EPC2: variants seen among roughly 807,000 people sequenced by gnomAD.
EPC2 encodes enhancer of polycomb 2, also known as enhancer of polycomb homolog 2.
In EPC2, 14 loss-of-function variants were observed where a neutral mutation model predicts 92.1. The observed-to-expected ratio is 0.15, with a 90% confidence interval of 0.10 to 0.24. The LOEUF is 0.24. Among genes scored for constraint, EPC2 ranks in the 10% least tolerant of loss-of-function variants. The pLI, the probability that EPC2 is intolerant of heterozygous loss-of-function variation, is 1.00. For missense variants in EPC2, 755 were observed against 971.5 expected, an observed-to-expected ratio of 0.78 and a Z score of 2.96; for synonymous variants, 340 against 334.7, an observed-to-expected ratio of 1.02 and a Z score of -0.17.
At chr2:148,756,511 G>A (rs1683193778) in intron 4 of EPC2, among the ~76,000 whole-genome samples, 1 of 152,152 alleles carries the variant, frequency 6.6e-6, no homozygotes, top group South Asian at 2.1e-4. Context: ...TGATGCAAAG[G>A]GTAAAAGGTC....
At chr2:148,757,959 C>T (rs1683223859) in intron 4 of EPC2, among the ~76,000 whole-genome samples, 2 of 151,938 alleles carry the variant, frequency 1.3e-5, no homozygotes, top group African/African-American at 4.8e-5. Context: ...GGCTGGAATA[C>T]AAAGATAAGC....
chr2:148,783,489 AT>A, intron 11 of EPC2, 107 bp from the exon 12 acceptor site: 1 of 1,025,472 alleles, frequency 9.8e-7, no homozygotes, highest in Non-Finnish European at 1.4e-6. Flanking sequence ...AACACTTGTA[AT>A]TGTTCAAGGT....
intron 1 of EPC2, among the ~76,000 whole-genome samples, chr2:148,679,702 G>A (rs145741279): frequency 3.1e-4 from 47 of 152,268 alleles, no homozygotes; most frequent in Admixed American, 2.2e-3. Flanking sequence ...CTGGAGTGCC[G>A]TGTTGCAGTC....
At chr2:148,679,959 A>G (rs1681361457) in intron 1 of EPC2, among the ~76,000 whole-genome samples, 1 of 152,178 alleles carries the variant, frequency 6.6e-6, no homozygotes, top group Non-Finnish European at 1.5e-5. Flanking sequence ...AGTTTTTACT[A>G]CTAATAGATT....
chr2:148,726,906 C>A (rs1682511196), intron 2 of EPC2, among the ~76,000 whole-genome samples: 1 of 151,386 alleles, frequency 6.6e-6, no homozygotes, highest in Non-Finnish European at 1.5e-5. Flanking sequence ...TGATTGTTTC[C>A]TTTGCCCTGA....
At chr2:148,756,244 C>CT (rs1385679578) in intron 4 of EPC2, among the ~76,000 whole-genome samples, 1 of 152,192 alleles carries the variant, frequency 6.6e-6, no homozygotes, top group Non-Finnish European at 1.5e-5. Context: ...AAGAGGTACA[C>CT]TTTCTTTTCT....
At chr2:148,744,988 TG>T (rs1682952714) in intron 3 of EPC2, among the ~76,000 whole-genome samples, 1 of 37,392 alleles carries the variant, frequency 2.7e-5, no homozygotes, top group African/African-American at 6.2e-5. Flanking sequence ...CCTATCAGTT[TG>T]CCCCCCCCCC....
chr2:148,784,588 C>CGTATTTAT, intron 12 of EPC2, 80 bp from the exon 13 acceptor site: 1 of 1,061,678 alleles, frequency 9.4e-7, no homozygotes, highest in Non-Finnish European at 1.4e-6. Flanking sequence ...TACAAATGTT[C>CGTATTTAT]GTATTTATTT....
chr2:148,743,830 C>T (rs1195934486), intron 3 of EPC2, 63 bp downstream of exon 3: 9 of 1,269,496 alleles, frequency 7.1e-6, no homozygotes, highest in Non-Finnish European at 1.1e-6. Flanking sequence ...CTTTATAAGA[C>T]CTGAGTGTGT....
chr2:148,766,924 C>T (rs1683421322), intron 7 of EPC2, among the ~76,000 whole-genome samples: 1 of 152,156 alleles, frequency 6.6e-6, no homozygotes, highest in Non-Finnish European at 1.5e-5. Flanking sequence ...TGGCTCATGC[C>T]TGTAATCCCA....
chr2:148,679,275 T>C (rs1681341444), intron 1 of EPC2, among the ~76,000 whole-genome samples: 1 of 152,198 alleles, frequency 6.6e-6, no homozygotes, highest in Non-Finnish European at 1.5e-5. Context: ...CTAGTAAGGA[T>C]GGAGTAAAGA....
intron 2 of EPC2, among the ~76,000 whole-genome samples, chr2:148,710,825 A>G (rs1339683772): frequency 1.3e-5 from 2 of 152,114 alleles, no homozygotes; most frequent in African/African-American, 2.4e-5. Flanking sequence ...GAAGGGGAAC[A>G]TCACACACCG....
intron 1 of EPC2, among the ~76,000 whole-genome samples, chr2:148,678,326 CA>C (rs1217313635): frequency 1.8e-4 from 27 of 152,248 alleles, no homozygotes; most frequent in African/African-American, 6.0e-4. Flanking sequence ...CTCAGGAGCC[CA>C]GCTGGCTTCA....
At chr2:148,780,411 A>G (rs564160447) in intron 10 of EPC2, among the ~76,000 whole-genome samples, 1 of 152,286 alleles carries the variant, frequency 6.6e-6, no homozygotes, top group South Asian at 2.1e-4. Context: ...TTACCATAAA[A>G]AAATTTTTTT....
intron 1 of EPC2, among the ~76,000 whole-genome samples, chr2:148,671,395 C>CT (rs1200103157): frequency 2.0e-5 from 3 of 150,664 alleles, no homozygotes; most frequent in Non-Finnish European, 2.9e-5. Flanking sequence ...AGGCGGATCA[C>CT]TTGAGATCAG....
At chr2:148,666,429 C>T (rs185628962) in intron 1 of EPC2, among the ~76,000 whole-genome samples, 2 of 152,270 alleles carry the variant, frequency 1.3e-5, no homozygotes, top group East Asian at 1.9e-4. Flanking sequence ...CGGGCATGGG[C>T]CACTGCACCA....
chr2:148,678,150 A>T (rs575629775), intron 1 of EPC2, among the ~76,000 whole-genome samples: 11 of 152,220 alleles, frequency 7.2e-5, no homozygotes, highest in Middle Eastern at 3.4e-3. Flanking sequence ...CACGGTCCCC[A>T]CCAGAGTAGC....
In EPC2 at chr2:148,743,656, T is replaced by C; in HGVS notation, c.348T>C (p.Asp116=). The C allele has an allele frequency of 6.3e-7, 1 of 1,596,222 alleles. No homozygotes were observed. Among genetic ancestry groups the C allele is most frequent in the Admixed American group, 1.8e-5 (1 of 55,944 alleles). The change falls in exon 3 of 14, where the codon GAT becomes GAC. Residue 116 remains aspartate, a synonymous_variant. Coordinates refer to ENST00000258484, the MANE Select transcript of EPC2 (RefSeq NM_015630.4). The part of the protein sequence containing the change: ...FNLDNEQPDY[D]MDSEDETLLN... ...TAGACAACGAGCAACCAGATTATGATATGGATTCAGAAGATGAGACTTTAT... is the reference window on the plus strand; with the variant it reads ...TAGACAACGAGCAACCAGATTATGACATGGATTCAGAAGATGAGACTTTAT...
intron 10 of EPC2, among the ~76,000 whole-genome samples, chr2:148,775,650 T>TAAATAAAATTAAATTTAATTTAA (rs1683618283): frequency 2.3e-5 from 1 of 42,784 alleles, no homozygotes; most frequent in Non-Finnish European, 5.4e-5. Context: ...AAATAAAATC[T>TAAATAAAATTAAATTTAATTTAA]TTAAATAAAA....
Sources: allele counts gnomAD v4.1 joint callset (sites outside exome capture counted in the v4.1 genomes callset), GRCh38; gene constraint gnomAD v4.1.1; transcripts MANE v1.5; gene names NCBI Gene and HGNC (gene_info 2026-07-23, HGNC 2026-07-21).